LTBP1: variants seen among roughly 807,000 people sequenced by gnomAD.
LTBP1 encodes the protein latent-transforming growth factor beta-binding protein 1.
Under a neutral mutation model 207.6 loss-of-function variants are expected in LTBP1, and 129 were observed. The ratio of observed to expected loss-of-function variants is 0.62; its 90% CI spans 0.54 to 0.72. The LOEUF (loss-of-function observed/expected upper bound fraction) is 0.72, where lower values mean the gene tolerates loss of function less well. LTBP1 is among the 30% of genes least tolerant of loss of function. The probability of loss-of-function intolerance (pLI) is 0.00; values close to 1 mark genes in which losing one functional copy is unlikely to be tolerated. For missense variants in LTBP1, 2,281 were observed against 2,217.2 expected (o/e 1.03, Z -0.58); for synonymous variants, 963 against 833.7 (o/e 1.16, Z -2.67).
At chr2:32,967,829 T>A (rs2148524977) in intron 2 of LTBP1, among the ~76,000 whole-genome samples, 1 of 152,338 alleles carries the variant, frequency 6.6e-6, no homozygotes, top group Non-Finnish European at 1.5e-5. Flanking sequence ...TCAGTTATTT[T>A]CAGCTAGTTG....
chr2:33,157,567 G>A (rs988053102), intron 5 of LTBP1, among the ~76,000 whole-genome samples: 5 of 152,182 alleles, frequency 3.3e-5, no homozygotes, highest in African/African-American at 9.7e-5. Flanking sequence ...TGGTGGCAAC[G>A]CTCAGATGCA....
intron 8 of LTBP1, among the ~76,000 whole-genome samples, chr2:33,219,044 A>C (rs2090912822): frequency 6.6e-6 from 1 of 152,150 alleles, no homozygotes; most frequent in East Asian, 1.9e-4. Flanking sequence ...ATTTTAAGTA[A>C]TTGTCTCTCA....
chr2:33,378,880 C>T (rs991535860), intron 31 of LTBP1, among the ~76,000 whole-genome samples: 1 of 152,158 alleles, frequency 6.6e-6, no homozygotes, highest in African/African-American at 2.4e-5. Context: ...GATTGTGCCC[C>T]TTATGATTGG....
chr2:32,996,936 G>A lies in LTBP1; in HGVS notation c.566-23973G>A, dbSNP rs554730756. On this transcript the variant is annotated intron_variant, in intron 2 of 33. Transcript: ENST00000404816. ...GTCTCGCTCTGTCGCCCAGGCTGGAGTGCTGTGGCATAATCTTGGCTCACT... is the reference window on the plus strand; with the variant it reads ...GTCTCGCTCTGTCGCCCAGGCTGGAATGCTGTGGCATAATCTTGGCTCACT... Among the ~76,000 whole-genome samples the A allele has an allele frequency of 2.0e-5, 3 of 152,210 alleles. No individual in the cohort carries two copies. In the South Asian group the frequency reaches 6.2e-4, roughly 32 times the overall value.
At chr2:33,313,588 AG>A (rs2094217912) in intron 23 of LTBP1, among the ~76,000 whole-genome samples, 1 of 152,184 alleles carries the variant, frequency 6.6e-6, no homozygotes, top group Non-Finnish European at 1.5e-5. Context: ...AGATAAAGGG[AG>A]GGCCTACGAG....
intron 3 of LTBP1, among the ~76,000 whole-genome samples, chr2:33,058,799 T>G (rs917164869): frequency 6.6e-6 from 1 of 152,234 alleles, no homozygotes; most frequent in Non-Finnish European, 1.5e-5. Flanking sequence ...TTTACTCTTC[T>G]TTTGAGAATG....
chr2:33,012,464 C>T (rs775411255), intron 2 of LTBP1, among the ~76,000 whole-genome samples: 3 of 152,210 alleles, frequency 2.0e-5, no homozygotes, highest in Non-Finnish European at 2.9e-5. Context: ...CCTTTATGGT[C>T]CCTTGAATAT....
intron 2 of LTBP1, among the ~76,000 whole-genome samples, chr2:32,967,366 T>G (rs1680165219): frequency 6.6e-6 from 1 of 152,132 alleles, no homozygotes; most frequent in Non-Finnish European, 1.5e-5. Flanking sequence ...TACTTTGGAT[T>G]TAATTTGCTG....
intron 3 of LTBP1, among the ~76,000 whole-genome samples, chr2:33,056,126 C>T (rs2076984958): frequency 6.6e-6 from 1 of 152,064 alleles, no homozygotes; most frequent in Admixed American, 6.5e-5. Context: ...TTTGTACTTC[C>T]CTCAGGTGGC....
intron 24 of LTBP1, among the ~76,000 whole-genome samples, chr2:33,335,383 G>T (rs184922189): frequency 6.6e-6 from 1 of 152,054 alleles, no homozygotes; most frequent in African/African-American, 2.4e-5. Context: ...AGTCAGACTC[G>T]GCCCAGGGAT....
chr2:33,043,785 TGGTGGAGGACCAGGC>T (rs1399700498), intron 3 of LTBP1, among the ~76,000 whole-genome samples: 1 of 152,268 alleles, frequency 6.6e-6, no homozygotes, highest in South Asian at 2.1e-4. Context: ...ATTTATCTGG[TGGTGGAGGACCAGGC>T]GGTGGAGGAC....
At chr2:33,324,333 A>G (rs2094397876) in intron 24 of LTBP1, among the ~76,000 whole-genome samples, 1 of 151,984 alleles carries the variant, frequency 6.6e-6, no homozygotes, top group South Asian at 2.1e-4. Flanking sequence ...TATTATTACT[A>G]TTAATTCTTA....
chr2:32,997,171 T>C (rs1328205320), intron 2 of LTBP1, among the ~76,000 whole-genome samples: 22 of 151,972 alleles, frequency 1.4e-4, no homozygotes, highest in Non-Finnish European at 2.9e-5. Flanking sequence ...AGGTGTGAGC[T>C]ACTGCACCCG....
chr2:33,302,878 C>T (rs749421746), intron 22 of LTBP1, among the ~76,000 whole-genome samples: 3 of 151,690 alleles, frequency 2.0e-5, no homozygotes, highest in Non-Finnish European at 2.9e-5. Flanking sequence ...GCCTGGCCAA[C>T]ATGCTGAAAC....
intron 3 of LTBP1, among the ~76,000 whole-genome samples, chr2:33,085,753 C>T (rs1301173810): frequency 6.6e-6 from 1 of 152,208 alleles, no homozygotes; most frequent in African/African-American, 2.4e-5. Context: ...ACTCCAAATT[C>T]TGTGTTCTTA....
At chr2:33,118,226 A>C (rs546782400) in intron 4 of LTBP1, among the ~76,000 whole-genome samples, 2 of 152,096 alleles carry the variant, frequency 1.3e-5, no homozygotes, top group East Asian at 3.9e-4. Flanking sequence ...AACAAAAAAA[A>C]CTGTCTTTGG....
At position 33,110,666 on chromosome 2, in the gene LTBP1, C is replaced by G; in HGVS notation, c.948C>G (p.Ala316=). Residue 316 remains alanine, a synonymous_variant, in exon 4 of 34, where the codon GCC becomes GCG. Transcript: ENST00000404816. The part of the protein sequence containing the change: ...EYVLKPKYFP[A]QKGISGEQST... Reference sequence around the variant, plus strand: ...TGCTCAAGCCCAAGTACTTTCCAGCCCAGAAGGGGATTTCAGGAGAGCAGT... The same window carrying G: ...TGCTCAAGCCCAAGTACTTTCCAGCGCAGAAGGGGATTTCAGGAGAGCAGT... The G allele has an allele frequency of 6.2e-7, 1 of 1,614,166 alleles. No homozygotes were observed. The highest frequency in any genetic ancestry group is 8.5e-7 in the Non-Finnish European group (1 of 1,180,022).
intron 24 of LTBP1, among the ~76,000 whole-genome samples, chr2:33,329,999 C>G (rs1316278540): frequency 6.6e-6 from 1 of 152,052 alleles, no homozygotes; most frequent in Non-Finnish European, 1.5e-5. Flanking sequence ...ATTTAGTCAT[C>G]TAATCTGTGA....
intron 10 of LTBP1, among the ~76,000 whole-genome samples, chr2:33,248,586 ATTTTT>A (rs201927841): frequency 7.1e-6 from 1 of 140,678 alleles, no homozygotes; most frequent in Non-Finnish European, 1.6e-5. Context: ...TTCTCCACGA[ATTTTT>A]TTTTTTTTTT....
Sources: gnomAD v4.1 joint callset for allele counts (sites outside exome capture counted in the v4.1 genomes callset) on GRCh38, gnomAD v4.1.1 for gene constraint, MANE v1.5 for transcripts, NCBI Gene and HGNC (gene_info 2026-07-23, HGNC 2026-07-21) for gene names.